Variants in TF observed in about 807,000 individuals in gnomAD.
TF encodes transferrin, also known as serotransferrin.
TF carries 55 observed loss-of-function variants against 82.4 expected under a neutral mutation model. The ratio of observed to expected loss-of-function variants is 0.67; its 90% CI spans 0.54 to 0.84. TF has a LOEUF of 0.84. TF is among the 40% of genes least tolerant of loss of function. The pLI is 0.00. For synonymous variants in TF, 332 were observed against 332.6 expected (o/e 1.00, Z 0.02); for missense variants, 737 against 868.4 (o/e 0.85, Z 1.90).
rs1576358773 is a variant in TF, at chr3:133,756,268, T to C, written c.636-14T>C. On this transcript the variant is annotated splice_polypyrimidine_tract_variant and intron_variant, in intron 5 of 16. Transcript: ENST00000402696. ...GCCCTGCAGGAGCCCTGCTGATGTG[T>C]TTCTTTGACCCAGGTGTCTGAAGGA... The C allele has an allele frequency of 1.9e-6, 3 of 1,613,856 alleles. No individual in the cohort carries two copies. Among genetic ancestry groups the C allele is most frequent in the Non-Finnish European group, 2.5e-6 (3 of 1,179,936 alleles).
At chr3:133,759,819 TAAC>T (rs1395338161) in intron 9 of TF, among the ~76,000 whole-genome samples, 1 of 152,164 alleles carries the variant, frequency 6.6e-6, no homozygotes. Context: ...ACCTTGTCTC[TAAC>T]AACATTTTTT....
the TF span, among the ~76,000 whole-genome samples, chr3:133,716,252 C>T: frequency 3.3e-5 from 5 of 152,144 alleles, no homozygotes; most frequent in African/African-American, 1.2e-4. Flanking sequence ...TTTCCTGAAA[C>T]CCCAGACCTG....
intron 15 of TF, among the ~76,000 whole-genome samples, chr3:133,776,616 C>T (rs1934398581): frequency 6.6e-6 from 1 of 152,172 alleles, no homozygotes; most frequent in South Asian, 2.1e-4. Flanking sequence ...ATTCAAAATG[C>T]AGTCAAACAT....
In TF at chr3:133,756,333, A is replaced by G. The variant is rs1433178863; in HGVS notation, c.687A>G (p.Ile229Met). The G allele has an allele frequency of 1.2e-6, 2 of 1,613,934 alleles. No individual in the cohort carries two copies. Among genetic ancestry groups the G allele is most frequent in the Non-Finnish European group, 1.7e-6 (2 of 1,180,002 alleles). ...GDVAFVKHST[I>M]FENLANKADR... ...TGGCCTTTGTCAAGCACTCGACTAT[A>G]TTTGGTAAGAATGGGACAAGAATCC... The change falls in exon 6 of 17, where the codon ATA (isoleucine) becomes ATG (methionine). Residue 229 changes from isoleucine to methionine, a missense_variant. Transcript: ENST00000402696.
At position 133,755,475 on chromosome 3, in the gene TF, C is replaced by T. The variant is rs1046416896; in HGVS notation, c.615C>T (p.Phe205=). ...GCTGCTCCACCCTTAACCAATACTT[C>T]GGCTACTCGGGAGCCTTCAAGTGAG... ...GCGCSTLNQY[F]GYSGAFKCLK... The change falls in exon 5 of 17, where the codon TTC becomes TTT. Residue 205 remains phenylalanine (F), a synonymous_variant. Transcript: ENST00000402696. The T allele has an allele frequency of 7.4e-6, 12 of 1,614,016 alleles. No individual in the cohort carries two copies. The highest frequency in any genetic ancestry group is 1.6e-4 in the Middle Eastern group (1 of 6,082).
chr3:133,681,036 C>T, the TF span, among the ~76,000 whole-genome samples: 2,897 of 152,292 alleles, frequency 0.019, 51 homozygotes, highest in African/African-American at 0.038. Flanking sequence ...TTCTAGAGTT[C>T]ATTTAAATAA....
chr3:133,711,157 CTT>C, the TF span, among the ~76,000 whole-genome samples: 2 of 152,196 alleles, frequency 1.3e-5, no homozygotes, highest in Admixed American at 6.5e-5. Context: ...AAATGAAACT[CTT>C]TTTCCCAATC....
At chr3:133,674,719 G>A in the TF span, among the ~76,000 whole-genome samples, 1 of 147,720 alleles carries the variant, frequency 6.8e-6, no homozygotes, top group African/African-American at 2.5e-5. Flanking sequence ...TGCAAGCAGC[G>A]GGTCGGTCAC....
chr3:133,770,861 G>C, intron 14 of TF: 1 of 504,734 alleles, frequency 2.0e-6, no homozygotes, highest in Non-Finnish European at 3.6e-6. Context: ...CTAAGAATAA[G>C]ACAATCTCTT....
At position 133,766,335 on chromosome 3, in the gene TF, T is replaced by G; in HGVS notation, c.1388T>G (p.Leu463Arg). Residue 463 changes from leucine (L) to arginine (R), a missense_variant, in exon 12 of 17, where the codon CTG (leucine) becomes CGG (arginine). Physicochemically the swap from Leu to Arg is moderately radical, Grantham distance 102 (BLOSUM62 -2). Transcript: ENST00000402696. Reference sequence around the variant, plus strand: ...GCTTCTGACCTCACCTGGGACAATCTGAAAGGCAAGAAGTCCTGCCATACG... The same window carrying G: ...GCTTCTGACCTCACCTGGGACAATCGGAAAGGCAAGAAGTCCTGCCATACG... ...KSASDLTWDN[L>R]KGKKSCHTAV... The G allele has an allele frequency of 6.2e-7, 1 of 1,614,218 alleles. No homozygotes were observed. Among genetic ancestry groups the G allele is most frequent in the East Asian group, 2.2e-5 (1 of 44,886 alleles).
the TF span, among the ~76,000 whole-genome samples, chr3:133,677,968 G>A: frequency 7.9e-5 from 12 of 152,090 alleles, no homozygotes; most frequent in African/African-American, 2.2e-4. Context: ...CCATCAACCC[G>A]TCATCTACAT....
chr3:133,697,751 A>G, the TF span, among the ~76,000 whole-genome samples: 1 of 152,196 alleles, frequency 6.6e-6, no homozygotes, highest in Non-Finnish European at 1.5e-5. Flanking sequence ...TCATTTTGAA[A>G]TTTTTCTTTT....
chr3:133,753,964 T>C (rs1933751135), intron 3 of TF: 2 of 577,944 alleles, frequency 3.5e-6, no homozygotes, highest in Admixed American at 2.9e-5. Flanking sequence ...GCAGGCTGTG[T>C]GCAGCTTGAC....
the TF span, among the ~76,000 whole-genome samples, chr3:133,737,183 A>G: frequency 6.6e-6 from 1 of 152,364 alleles, no homozygotes; most frequent in Non-Finnish European, 1.5e-5. Context: ...GCACAACTAC[A>G]TGGAAACTGA....
chr3:133,777,100 C>T lies in TF; in HGVS notation c.1924C>T (p.Arg642Trp), dbSNP rs778832620. 50 of 1,614,040 alleles carry T rather than the reference C, an allele frequency of 3.1e-5. No homozygotes were observed. The highest frequency in any genetic ancestry group is 4.5e-5 in the East Asian group (2 of 44,894). Residue 642 changes from arginine to tryptophan, a missense_variant, in exon 16 of 17, where the codon CGG (arginine) becomes TGG (tryptophan). Coordinates refer to ENST00000402696, the MANE Select transcript of TF (RefSeq NM_001063.4). ...TDCSGNFCLF[R>W]SETKDLLFRD... ...CTGCTCGGGCAACTTTTGTTTGTTC[C>T]GGTCGGAAACCAAGGACCTTCTGTT...
chr3:133,750,283 A>G (rs1933623654), intron 2 of TF, among the ~76,000 whole-genome samples: 1 of 152,192 alleles, frequency 6.6e-6, no homozygotes, highest in Non-Finnish European at 1.5e-5. Context: ...TTGTTCTGCT[A>G]GGAGCCATGC....
chr3:133,746,325 G>A (rs189667665), upstream of TF: 9 of 1,275,452 alleles, frequency 7.1e-6, no homozygotes, highest in East Asian at 5.1e-5. Context: ...AACACGGGAG[G>A]TCAAAGATTG....
At chr3:133,700,508 C>A in the TF span, among the ~76,000 whole-genome samples, 2 of 152,198 alleles carry the variant, frequency 1.3e-5, no homozygotes, top group Admixed American at 1.3e-4. Context: ...TGATTGCAGC[C>A]CATGGTGCTG....
intron 9 of TF, among the ~76,000 whole-genome samples, chr3:133,762,938 A>G (rs1934031350): frequency 6.6e-6 from 1 of 152,262 alleles, no homozygotes; most frequent in African/African-American, 2.4e-5. Flanking sequence ...TCCATTCTTC[A>G]TATTCAACCT....
Sources: gnomAD v4.1 joint callset for allele counts (sites outside exome capture counted in the v4.1 genomes callset) on GRCh38, gnomAD v4.1.1 for gene constraint, MANE v1.5 for transcripts, NCBI Gene and HGNC (gene_info 2026-07-23, HGNC 2026-07-21) for gene names.